Variants in VPS37A observed in about 807,000 individuals in gnomAD.
VPS37A encodes VPS37A subunit of ESCRT-I.
Under a neutral mutation model 49.8 loss-of-function variants are expected in VPS37A, and 30 were observed. That is an observed-to-expected ratio of 0.60 (90% confidence interval 0.45 to 0.82). VPS37A has a LOEUF of 0.82. Ranked by LOEUF, VPS37A falls within the 40% of genes least tolerant of loss-of-function variation. The pLI is 0.00. For missense variants in VPS37A, 593 were observed against 464.4 expected (o/e 1.28, Z -2.55); for synonymous variants, 195 against 160.6 (o/e 1.21, Z -1.62).
chr8:17,316,667 A>G, the VPS37A span, among the ~76,000 whole-genome samples: 7 of 152,206 alleles, frequency 4.6e-5, no homozygotes, highest in South Asian at 2.1e-4. Flanking sequence ...AAAAATAACA[A>G]TACAACAAAA....
chr8:17,286,879 C>G (rs1815647824), intron 11 of VPS37A, among the ~76,000 whole-genome samples: 1 of 152,170 alleles, frequency 6.6e-6, no homozygotes, highest in African/African-American at 2.4e-5. Flanking sequence ...CTATGCAGCA[C>G]TGATAGAATG....
In VPS37A at chr8:17,286,421, A is replaced by G; in HGVS notation, c.1188A>G (p.Pro396=). 6 of 1,613,212 alleles carry G rather than the reference A, an allele frequency of 3.7e-6. No homozygotes were observed. Among genetic ancestry groups the G allele is most frequent in the Non-Finnish European group, 5.1e-6 (6 of 1,179,534 alleles). Residue 396 remains proline (P), a synonymous_variant, in exon 11 of 12, where the codon CCA becomes CCG. Transcript: ENST00000324849. ...CAATGCACAGCCAATTTCATGCTCC[A>G]CTATAGGTAAATTGTATTTCAAGTT... is the stretch of plus-strand genomic sequence containing the variant. ...AIAMHSQFHA[P]L
chr8:17,251,923 C>T (rs1812017275), intron 1 of VPS37A, among the ~76,000 whole-genome samples: 6 of 152,118 alleles, frequency 3.9e-5, no homozygotes, highest in Admixed American at 3.9e-4. Context: ...GTTTTGATCA[C>T]AGCTATAAGA....
At chr8:17,332,626 G>A in the VPS37A span, among the ~76,000 whole-genome samples, 3 of 152,200 alleles carry the variant, frequency 2.0e-5, no homozygotes, top group Admixed American at 6.5e-5. Flanking sequence ...CTGCTGCCCA[G>A]CATCACAAGA....
the VPS37A span, among the ~76,000 whole-genome samples, chr8:17,319,320 TAAA>T: frequency 6.6e-6 from 1 of 152,166 alleles, no homozygotes; most frequent in Non-Finnish European, 1.5e-5. Context: ...TACACTGGCA[TAAA>T]GAAGATTCCC....
At chr8:17,311,452 CAG>C in the VPS37A span, 992 of 1,606,182 alleles carry the variant, frequency 6.2e-4, no homozygotes, top group East Asian at 1.1e-3. Context: ...GTTGTAAAAA[CAG>C]GGGTCCATTC....
At chr8:17,276,584 A>G in intron 6 of VPS37A, 117 bp downstream of exon 6, 2 of 1,000,964 alleles carry the variant, frequency 2.0e-6, no homozygotes, top group South Asian at 3.7e-5. Context: ...CCTAAACAAT[A>G]TTGTTGTTGC....
chr8:17,289,464 CT>C (rs1563290646), intron 11 of VPS37A, among the ~76,000 whole-genome samples: 1 of 152,096 alleles, frequency 6.6e-6, no homozygotes, highest in Non-Finnish European at 1.5e-5. Context: ...ATAGGGAATC[CT>C]TCCCCCATTG....
rs1816618299 is a variant in VPS37A, at chr8:17,296,212, TTTG to T, written c.*1229_*1231del. 6.6e-6 allele frequency: 1 copy of T among 152,212 alleles called. No homozygotes were observed. Among genetic ancestry groups the T allele is most frequent in the Non-Finnish European group, 1.5e-5 (1 of 68,034 alleles). The allele number at this position is 152,212 out of a possible 1,614,324, so 9.4% of individuals were successfully genotyped here. On this transcript the variant is annotated 3_prime_UTR_variant, in exon 12 of 12. Transcript: ENST00000324849. ...AAAGTTATAGGAAGAACAAAATTATTTTGTTAGAATTAAAACATGCTTAATATT... is the reference window on the plus strand; with the variant it reads ...AAAGTTATAGGAAGAACAAAATTATTTTAGAATTAAAACATGCTTAATATT...
At chr8:17,254,211 G>C (rs1812226262) in intron 1 of VPS37A, among the ~76,000 whole-genome samples, 1 of 152,070 alleles carries the variant, frequency 6.6e-6, no homozygotes, top group African/African-American at 2.4e-5. Flanking sequence ...TCTGCTTCTG[G>C]TGATGAAGAA....
intron 1 of VPS37A, among the ~76,000 whole-genome samples, chr8:17,264,390 G>A (rs1323187013): frequency 1.3e-5 from 2 of 152,160 alleles, no homozygotes; most frequent in Non-Finnish European, 2.9e-5. Flanking sequence ...TACAAGGGAG[G>A]AGGTTTTTCA....
intron 1 of VPS37A, chr8:17,247,667 A>G (rs374434918): frequency 1.1e-5 from 8 of 703,408 alleles, no homozygotes; most frequent in Non-Finnish European, 1.8e-5. Context: ...TATTTCCAGT[A>G]TCCCTTGCTG....
At chr8:17,269,855 C>G (rs1813812593) in intron 4 of VPS37A, among the ~76,000 whole-genome samples, 1 of 152,094 alleles carries the variant, frequency 6.6e-6, no homozygotes, top group Admixed American at 6.6e-5. Flanking sequence ...TAGTCTTGTT[C>G]TTGCATTGCT....
chr8:17,309,800 A>G, the VPS37A span, among the ~76,000 whole-genome samples: 1 of 152,156 alleles, frequency 6.6e-6, no homozygotes, highest in Admixed American at 6.5e-5. Context: ...TAAATTACCA[A>G]CCTCTTTACA....
downstream of VPS37A, chr8:17,304,407 G>C: frequency 2.5e-6 from 4 of 1,613,932 alleles, no homozygotes; most frequent in Non-Finnish European, 2.5e-6. Flanking sequence ...GGTGTTGTAG[G>C]GAGATGAAGG....
chr8:17,320,443 G>A, the VPS37A span, among the ~76,000 whole-genome samples: 7 of 152,096 alleles, frequency 4.6e-5, no homozygotes, highest in Admixed American at 3.3e-4. Flanking sequence ...AATTGGGAAG[G>A]GAGCTGAGAA....
At chr8:17,305,813 A>G, downstream of VPS37A, 2 of 1,613,704 alleles carry the variant, frequency 1.2e-6, no homozygotes, top group Non-Finnish European at 1.7e-6. Context: ...ACTGGCAGGA[A>G]TAAATGTGAT....
chr8:17,265,718 G>T (rs1243784389), intron 1 of VPS37A, 189 bp from the exon 2 acceptor site: 28 of 1,461,746 alleles, frequency 1.9e-5, no homozygotes, highest in Non-Finnish European at 2.2e-5. Flanking sequence ...GAATGTTACT[G>T]TGTGCTTAGA....
intron 5 of VPS37A, among the ~76,000 whole-genome samples, chr8:17,275,604 G>C (rs545289512): frequency 3.3e-5 from 5 of 152,290 alleles, no homozygotes; most frequent in African/African-American, 9.6e-5. Flanking sequence ...AGGGCTTCAA[G>C]TGTTCCGTTG....
Sources: gnomAD v4.1 joint callset for allele counts (sites outside exome capture counted in the v4.1 genomes callset) on GRCh38, gnomAD v4.1.1 for gene constraint, MANE v1.5 for transcripts, NCBI Gene and HGNC (gene_info 2026-07-23, HGNC 2026-07-21) for gene names.